The following PTPRG variants were observed in gnomAD, a reference collection of about 807,000 sequenced individuals.
PTPRG encodes receptor-type tyrosine-protein phosphatase gamma.
A neutral mutation model predicts 165.3 loss-of-function variants in PTPRG; 102 were observed. That is an observed-to-expected ratio of 0.62 (90% CI 0.53 to 0.73). PTPRG has a LOEUF of 0.73. PTPRG is among the 30% of genes least tolerant of loss of function. The pLI, the probability that PTPRG is intolerant of heterozygous loss-of-function variation, is 0.00. For missense variants in PTPRG, 1,866 were observed against 1,861.4 expected (o/e 1.00, Z -0.05); for synonymous variants, 675 against 669.5 (o/e 1.01, Z -0.13).
intron 2 of PTPRG, among the ~76,000 whole-genome samples, chr3:61,960,678 T>C (rs1376109194): frequency 6.6e-6 from 1 of 152,082 alleles, no homozygotes; most frequent in African/African-American, 2.4e-5. Context: ...GATGAGTAGG[T>C]TAGGCAATTT....
chr3:61,850,132 A>G (rs972282175), intron 2 of PTPRG, among the ~76,000 whole-genome samples: 1 of 152,010 alleles, frequency 6.6e-6, no homozygotes, highest in African/African-American at 2.4e-5. Flanking sequence ...TTCTTAGGAA[A>G]TATTTAATAT....
chr3:61,834,680 G>A (rs2036408631), intron 2 of PTPRG, among the ~76,000 whole-genome samples: 1 of 152,156 alleles, frequency 6.6e-6, no homozygotes, highest in Non-Finnish European at 1.5e-5. Context: ...GGGCATGGTG[G>A]CGTGTGCCTG....
At position 61,989,524 on chromosome 3, in the gene PTPRG, G is replaced by A; in HGVS notation, c.191-101G>A. On this transcript the variant is annotated intron_variant, in intron 2 of 29. Transcript: ENST00000474889. ...TTCAGTACATTCACCTCTTTGGATT[G>A]GGGACATGTTGAGAGATGCAGTGCT... is the stretch of plus-strand genomic sequence containing the variant. The A allele has an allele frequency of 3.7e-6, 4 of 1,093,076 alleles. No homozygotes were observed. In the South Asian group the frequency reaches 7.4e-5, roughly 20 times the overall value. 67.7% of individuals were successfully genotyped at this position (1,093,076 alleles called of 1,614,324 possible).
intron 4 of PTPRG, among the ~76,000 whole-genome samples, chr3:62,046,428 G>T (rs1028502408): frequency 6.6e-6 from 1 of 152,082 alleles, no homozygotes; most frequent in Non-Finnish European, 1.5e-5. Flanking sequence ...TATAATGGAG[G>T]AATAACAAGT....
chr3:61,788,420 A>G (rs1482516053), intron 2 of PTPRG, among the ~76,000 whole-genome samples: 4 of 152,236 alleles, frequency 2.6e-5, no homozygotes, highest in Admixed American at 2.0e-4. Flanking sequence ...AACTATCATA[A>G]TATTAAAGTT....
At chr3:61,998,772 T>C (rs1441221167) in intron 3 of PTPRG, among the ~76,000 whole-genome samples, 1 of 152,232 alleles carries the variant, frequency 6.6e-6, no homozygotes, top group Non-Finnish European at 1.5e-5. Flanking sequence ...ACAATCTACA[T>C]TAATCACAGC....
At chr3:61,833,544 G>A (rs558815171) in intron 2 of PTPRG, among the ~76,000 whole-genome samples, 6 of 152,006 alleles carry the variant, frequency 3.9e-5, no homozygotes, top group Admixed American at 2.0e-4. Flanking sequence ...TCCTCATTCC[G>A]GCAAAGTGTT....
chr3:61,681,558 T>G (rs1703441374), intron 1 of PTPRG, among the ~76,000 whole-genome samples: 1 of 152,196 alleles, frequency 6.6e-6, no homozygotes, highest in African/African-American at 2.4e-5. Flanking sequence ...GCCGTTTGTT[T>G]CACCTTGATA....
chr3:61,872,713 A>G (rs1299537172), intron 2 of PTPRG, among the ~76,000 whole-genome samples: 1 of 152,164 alleles, frequency 6.6e-6, no homozygotes, highest in East Asian at 1.9e-4. Context: ...AATTTCACTT[A>G]GGGAGCTTTT....
At chr3:61,706,209 G>T (rs73842322) in intron 1 of PTPRG, among the ~76,000 whole-genome samples, 6,012 of 147,782 alleles carry the variant, frequency 0.041, 187 homozygotes, top group African/African-American at 0.09. Flanking sequence ...CCCTGGGGGG[G>T]AAAAAAAAAA....
At chr3:61,764,046 G>T (rs1346975513) in intron 2 of PTPRG, among the ~76,000 whole-genome samples, 4 of 152,138 alleles carry the variant, frequency 2.6e-5, no homozygotes, top group Non-Finnish European at 4.4e-5. Flanking sequence ...TGTGACAGTG[G>T]TGTTCAGAGG....
rs2034515173 is a variant in PTPRG, at chr3:61,780,502, A to G, written c.190+31520A>G. 4.6e-5 allele frequency among the ~76,000 whole-genome samples: 7 copies of G among 152,196 alleles called. No individual in the cohort carries two copies. The South Asian group carries it at 1.2e-3, about 27-fold the overall frequency. ...TTTAACATCCTTGGATTCGTTCCCA[A>G]TATTTAAAAATTGGGGATTTTAATT... On this transcript the variant is annotated intron_variant, in intron 2 of 29. Coordinates refer to ENST00000474889, the MANE Select transcript of PTPRG (RefSeq NM_002841.4).
intron 1 of PTPRG, among the ~76,000 whole-genome samples, chr3:61,578,166 G>A (rs1700208284): frequency 1.3e-5 from 2 of 152,344 alleles, no homozygotes; most frequent in Non-Finnish European, 2.9e-5. Context: ...TGGGACCTGT[G>A]TGGGTTGCAG....
intron 1 of PTPRG, among the ~76,000 whole-genome samples, chr3:61,727,860 C>A (rs571312141): frequency 2.0e-5 from 3 of 152,150 alleles, no homozygotes; most frequent in African/African-American, 7.2e-5. Context: ...CAGCAGTTTG[C>A]GAAGCTTCTT....
At chr3:62,127,218 A>G (rs1286150931) in intron 5 of PTPRG, among the ~76,000 whole-genome samples, 1 of 152,222 alleles carries the variant, frequency 6.6e-6, no homozygotes. Flanking sequence ...CAAGGATGCA[A>G]AATAACCACA....
At position 62,273,786 on chromosome 3, in the gene PTPRG, T is replaced by C; in HGVS notation, c.3407T>C (p.Val1136Ala). The change falls in exon 23 of 30, where the codon GTT becomes GCT. Residue 1136 changes from valine (V) to alanine (A), a missense_variant. Transcript: ENST00000474889. This position sits in a 1 kb window ranked among gnomAD's most constrained non-coding sequence, Gnocchi z 4.1. ...EVSSNQLHSY[V>A]NSILIPGVGG... ...TCTTCAAATCAGCTGCACAGCTATG[T>C]TAACAGCATCCTTATACCAGGAGTA... The C allele has an allele frequency of 6.2e-7, 1 of 1,613,872 alleles. No homozygotes were observed. Among genetic ancestry groups the C allele is most frequent in the Non-Finnish European group, 8.5e-7 (1 of 1,179,842 alleles).
chr3:61,759,778 A>G (rs867896021), intron 2 of PTPRG, among the ~76,000 whole-genome samples: 4 of 152,110 alleles, frequency 2.6e-5, no homozygotes, highest in African/African-American at 9.7e-5. Context: ...CTTTCACATA[A>G]TAAAGTCATT....
rs1701907539 is a variant in PTPRG, at chr3:62,090,966, T to G, written c.615+12708T>G. On this transcript the variant is annotated intron_variant, in intron 5 of 29. Coordinates refer to ENST00000474889, the MANE Select transcript of PTPRG (RefSeq NM_002841.4). ...TGTCCATAAAATGGAAATACCAATT[T>G]GCTGCGAACTTCAAATGAGATAATG... 2.0e-5 allele frequency among the ~76,000 whole-genome samples: 3 copies of G among 152,366 alleles called. No individual in the cohort carries two copies. In the South Asian group the frequency reaches 6.2e-4, roughly 32 times the overall value.
At chr3:61,640,884 G>A (rs1702040913) in intron 1 of PTPRG, among the ~76,000 whole-genome samples, 1 of 152,138 alleles carries the variant, frequency 6.6e-6, no homozygotes, top group South Asian at 2.1e-4. Context: ...TCTTCCCTCA[G>A]TGTTTTAAGT....
Sources: gnomAD v4.1 joint callset for allele counts (sites outside exome capture counted in the v4.1 genomes callset) on GRCh38, gnomAD v4.1.1 for gene constraint, Gnocchi (gnomAD v3.1) non-coding constraint, MANE v1.5 for transcripts, NCBI Gene and HGNC (gene_info 2026-07-23, HGNC 2026-07-21) for gene names.